The following CDH12 variants were observed in gnomAD, a reference collection of about 807,000 sequenced individuals.
CDH12 encodes the protein cadherin-12.
CDH12 carries 41 observed loss-of-function variants against 74.1 expected under a neutral mutation model. The observed-to-expected ratio is 0.55, with a 90% CI of 0.43 to 0.72. The LOEUF is 0.72. Ranked by LOEUF, CDH12 falls within the 30% of genes least tolerant of loss-of-function variation. The pLI, the probability that CDH12 is intolerant of heterozygous loss-of-function variation, is 0.00. For missense variants in CDH12, 945 were observed against 977.2 expected, an observed-to-expected ratio of 0.97 and a Z score of 0.44; for synonymous variants, 399 against 355.0, an observed-to-expected ratio of 1.12 and a Z score of -1.39.
intron 4 of CDH12, among the ~76,000 whole-genome samples, chr5:22,121,353 A>C (rs1407195122): frequency 6.6e-6 from 1 of 152,156 alleles, no homozygotes; most frequent in Non-Finnish European, 1.5e-5. Flanking sequence ...TCCTAAACTC[A>C]GGGGTCCTTA....
chr5:22,588,410 C>T (rs1740519437), intron 1 of CDH12, among the ~76,000 whole-genome samples: 1 of 151,948 alleles, frequency 6.6e-6, no homozygotes, highest in Non-Finnish European at 1.5e-5. Flanking sequence ...TTTCATACGC[C>T]ATTTGTAGAG....
chr5:22,396,317 A>C (rs747224151), intron 3 of CDH12, among the ~76,000 whole-genome samples: 1 of 152,098 alleles, frequency 6.6e-6, no homozygotes, highest in Non-Finnish European at 1.5e-5. Flanking sequence ...TGGCTGAATC[A>C]AAATTTCTCC....
At chr5:22,620,140 A>C (rs1037723493) in intron 1 of CDH12, among the ~76,000 whole-genome samples, 2 of 152,138 alleles carry the variant, frequency 1.3e-5, no homozygotes, top group Admixed American at 6.6e-5. Context: ...AAATGAAATC[A>C]ATGTGTATTG....
Position 22,223,264 on chromosome 5 carries a change from G to A in CDH12, c.-332-10621C>T, listed in dbSNP as rs567166868. ...TAGCAAGCATGAATGACTCATGGAC[G>A]CAAATGAGTCCTGAAGCTGACTGAA... On this transcript the variant is annotated intron_variant, in intron 3 of 14. Coordinates refer to ENST00000382254, the MANE Select transcript of CDH12 (RefSeq NM_004061.5). Among the ~76,000 whole-genome samples the A allele has an allele frequency of 1.1e-4, 16 of 152,120 alleles. No individual in the cohort carries two copies. In the East Asian group the frequency reaches 2.1e-3, roughly 20 times the overall value.
intron 1 of CDH12, among the ~76,000 whole-genome samples, chr5:22,603,300 T>C (rs544996234): frequency 1.4e-4 from 22 of 152,198 alleles, no homozygotes; most frequent in African/African-American, 5.3e-4. Flanking sequence ...AAATAGTTAC[T>C]GCTAAGATGT....
intron 3 of CDH12, among the ~76,000 whole-genome samples, chr5:22,377,023 T>C (rs1218811952): frequency 6.6e-6 from 1 of 152,146 alleles, no homozygotes; most frequent in Non-Finnish European, 1.5e-5. Flanking sequence ...CATGGGACCT[T>C]ACTGAAGGCA....
intron 1 of CDH12, among the ~76,000 whole-genome samples, chr5:22,743,944 G>A (rs1047658864): frequency 1.3e-5 from 2 of 151,474 alleles, no homozygotes; most frequent in Middle Eastern, 3.2e-3. Flanking sequence ...TGGGCATTTT[G>A]TTGTTTGAAA....
At chr5:21,975,714 T>C (rs1266087459) in intron 5 of CDH12, among the ~76,000 whole-genome samples, 1 of 150,190 alleles carries the variant, frequency 6.7e-6, no homozygotes, top group Non-Finnish European at 1.5e-5. Flanking sequence ...CTTAACCCAT[T>C]TTTTTTTGAG....
chr5:22,620,049 G>C (rs1457799404), intron 1 of CDH12, among the ~76,000 whole-genome samples: 1 of 151,906 alleles, frequency 6.6e-6, no homozygotes, highest in Non-Finnish European at 1.5e-5. Context: ...TTAAAACTTT[G>C]TCAATATCTT....
chr5:22,584,124 G>A (rs1561508117), intron 1 of CDH12, among the ~76,000 whole-genome samples: 5 of 123,396 alleles, frequency 4.1e-5, no homozygotes, highest in Admixed American at 4.0e-4. Flanking sequence ...TTTTTGAGAC[G>A]GAGTCTTGCT....
chr5:22,162,243 C>T (rs548075983), intron 4 of CDH12, among the ~76,000 whole-genome samples: 8 of 152,226 alleles, frequency 5.3e-5, no homozygotes, highest in African/African-American at 1.9e-4. Flanking sequence ...TGAAGGCCCA[C>T]ACCCTAATCT....
intron 5 of CDH12, among the ~76,000 whole-genome samples, chr5:22,007,579 A>G (rs890513946): frequency 6.6e-6 from 1 of 152,200 alleles, no homozygotes; most frequent in Non-Finnish European, 1.5e-5. Flanking sequence ...TGGCCTGCAA[A>G]ATCCAGAAAA....
rs192895432 is a variant in CDH12, at chr5:22,505,337, A to C, written c.-495T>G. ...GGGTTCCAGCTTGTCTATATTTCCC[A>C]AAAGAGCCAAGCTGTTAGGTAACAA... is the stretch of plus-strand genomic sequence containing the variant. On this transcript the variant is annotated 5_prime_UTR_variant, in exon 2 of 15. Transcript: ENST00000382254. The C allele has an allele frequency of 3.2e-4, 318 of 984,526 alleles. 2 individuals carry two copies. In the African/African-American group the frequency reaches 5.3e-3, roughly 16 times the overall value. 61.0% of individuals were successfully genotyped at this position (984,526 alleles called of 1,614,324 possible).
At chr5:22,160,219 G>A (rs1244605026) in intron 4 of CDH12, among the ~76,000 whole-genome samples, 1 of 152,074 alleles carries the variant, frequency 6.6e-6, no homozygotes, top group Non-Finnish European at 1.5e-5. Context: ...TCCACAGAAG[G>A]CTTTTCTCCT....
At chr5:22,608,369 C>T (rs1737225307) in intron 1 of CDH12, among the ~76,000 whole-genome samples, 1 of 152,172 alleles carries the variant, frequency 6.6e-6, no homozygotes, top group Non-Finnish European at 1.5e-5. Context: ...GTATCCTCTT[C>T]ATTTTGATCG....
At chr5:22,166,847 CTT>C (rs1277056418) in intron 4 of CDH12, among the ~76,000 whole-genome samples, 1 of 151,974 alleles carries the variant, frequency 6.6e-6, no homozygotes, top group African/African-American at 2.4e-5. Context: ...AAGAATATAT[CTT>C]ATATTATTTT....
At chr5:22,569,972 C>CTGAGATCCA (rs1739465023) in intron 1 of CDH12, among the ~76,000 whole-genome samples, 1 of 152,152 alleles carries the variant, frequency 6.6e-6, no homozygotes, top group Non-Finnish European at 1.5e-5. Flanking sequence ...AATTACTATG[C>CTGAGATCCA]TGAGATCCAT....
At chr5:22,008,421 G>A (rs1737092086) in intron 5 of CDH12, among the ~76,000 whole-genome samples, 1 of 151,932 alleles carries the variant, frequency 6.6e-6, no homozygotes, top group African/African-American at 2.4e-5. Context: ...TAGAGATGGA[G>A]TTTCACCTTG....
intron 1 of CDH12, among the ~76,000 whole-genome samples, chr5:22,770,108 C>T (rs955929543): frequency 3.3e-5 from 5 of 150,952 alleles, no homozygotes; most frequent in African/African-American, 9.7e-5. Context: ...TTCACATGTC[C>T]CCAGGCGTGA....
Sources: allele counts gnomAD v4.1 joint callset (sites outside exome capture counted in the v4.1 genomes callset), GRCh38; gene constraint gnomAD v4.1.1; transcripts MANE v1.5; gene names NCBI Gene and HGNC (gene_info 2026-07-23, HGNC 2026-07-21).